ANO1: variants seen among roughly 807,000 people sequenced by gnomAD.
ANO1 encodes the protein anoctamin-1.
ANO1 carries 59 observed loss-of-function variants against 124.0 expected under a neutral mutation model. The observed-to-expected ratio is 0.48, with a 90% confidence interval of 0.39 to 0.59. The LOEUF (loss-of-function observed/expected upper bound fraction) is 0.59. Among genes scored for constraint, ANO1 ranks in the 20% least tolerant of loss-of-function variants. The pLI, the probability that ANO1 is intolerant of heterozygous loss-of-function variation, is 0.00. For synonymous variants in ANO1, 529 were observed against 532.0 expected, an observed-to-expected ratio of 0.99 and a Z score of 0.08; for missense variants, 1,059 against 1,328.0, an observed-to-expected ratio of 0.80 and a Z score of 3.15.
At chr11:69,979,190 C>T in the ANO1 span, among the ~76,000 whole-genome samples, 10 of 152,302 alleles carry the variant, frequency 6.6e-5, no homozygotes, top group East Asian at 1.9e-4. Flanking sequence ...AGATTTTGAA[C>T]GTAGTGAATG....
At position 70,170,118 on chromosome 11, in the gene ANO1, G is replaced by A. The variant is rs1590912868; in HGVS notation, c.2198-769G>A. 3 of 437,734 alleles carry A rather than the reference G, an allele frequency of 6.9e-6. No homozygotes were observed. In the Middle Eastern group the frequency reaches 9.9e-4, roughly 145 times the overall value. The allele number at this position is 437,734 out of a possible 1,614,324, so 27.1% of individuals were successfully genotyped here. ...GCAGTGGGTCCCCACCCGGATCCAG[G>A]AGTCCTGATGCAAGGGGAAGTTTGG... On this transcript the variant is annotated intron_variant, in intron 21 of 25. Coordinates refer to ENST00000355303, the MANE Select transcript of ANO1 (RefSeq NM_018043.7).
intron 2 of ANO1, among the ~76,000 whole-genome samples, chr11:70,097,519 C>T (rs1423283926): frequency 6.6e-6 from 1 of 152,196 alleles, no homozygotes; most frequent in African/African-American, 2.4e-5. Flanking sequence ...TCCCATCTTG[C>T]CCGCGTGCCC....
rs1019259028 is a variant in ANO1, at chr11:70,123,245, G to C, written c.898-1105G>C. On this transcript the variant is annotated intron_variant, in intron 8 of 25. Transcript: ENST00000355303. Reference sequence around the variant, plus strand: ...GCTGCAGGTGAGGCTGGTGGTTTCGGGGGGCTGTGCAGCAGCAGGCGGCCC... The same window carrying C: ...GCTGCAGGTGAGGCTGGTGGTTTCGCGGGGCTGTGCAGCAGCAGGCGGCCC... 5.9e-5 allele frequency among the ~76,000 whole-genome samples: 9 copies of C among 152,204 alleles called. No individual in the cohort carries two copies. The East Asian group carries it at 1.7e-3, about 29-fold the overall frequency.
chr11:70,030,693 T>A (rs1856984563), intron 1 of ANO1, among the ~76,000 whole-genome samples: 1 of 152,060 alleles, frequency 6.6e-6, no homozygotes, highest in Admixed American at 6.6e-5. Context: ...CCGAATAATC[T>A]CCCCATCTCA....
intron 1 of ANO1, among the ~76,000 whole-genome samples, chr11:69,995,411 A>G (rs1475571194): frequency 6.6e-6 from 1 of 152,060 alleles, no homozygotes; most frequent in Non-Finnish European, 1.5e-5. Flanking sequence ...GCACGTTTTT[A>G]TCTAAAGCCC....
At chr11:70,004,997 C>T (rs1221303430) in intron 1 of ANO1, among the ~76,000 whole-genome samples, 1 of 151,862 alleles carries the variant, frequency 6.6e-6, no homozygotes, top group Non-Finnish European at 1.5e-5. Context: ...CTTGAAATCC[C>T]AGCTACTCAG....
chr11:70,169,050 G>A (rs1484922054), intron 21 of ANO1, among the ~76,000 whole-genome samples: 2 of 152,212 alleles, frequency 1.3e-5, no homozygotes, highest in African/African-American at 4.8e-5. Context: ...GTGGCCAGGA[G>A]GGACGGGGTC....
intron 6 of ANO1, among the ~76,000 whole-genome samples, chr11:70,109,041 A>G (rs1279137238): frequency 6.6e-6 from 1 of 152,204 alleles, no homozygotes; most frequent in Non-Finnish European, 1.5e-5. Context: ...AAGCCAGAAC[A>G]TTGCAGAGCA....
chr11:70,187,911 C>G lies in ANO1; in HGVS notation c.2868C>G (p.Asp956Glu), dbSNP rs749715005. Residue 956 changes from aspartate (D) to glutamate (E), a missense_variant, in exon 26 of 26, where the codon GAC becomes GAG. Asp to Glu is a conservative substitution (Grantham distance 45). This residue lies in a region of ANO1 where 809 missense variants were observed against 1,094.9 expected (regional missense o/e 0.74). Transcript: ENST00000355303. ...ETWMEKERQKDEPPCNHHNTK... is the reference protein window; with the variant it reads ...ETWMEKERQKEEPPCNHHNTK... Reference sequence around the variant, plus strand: ...GGATGGAGAAGGAGCGGCAGAAGGACGAGCCGCCGTGCAACCACCACAACA... The same window carrying G: ...GGATGGAGAAGGAGCGGCAGAAGGAGGAGCCGCCGTGCAACCACCACAACA... 1 of 1,590,174 alleles carries G rather than the reference C, an allele frequency of 6.3e-7. No homozygotes were observed. The highest frequency in any genetic ancestry group is 1.1e-5 in the South Asian group (1 of 87,496).
chr11:69,981,545 G>T (rs1243551444), upstream of ANO1, among the ~76,000 whole-genome samples: 1 of 152,236 alleles, frequency 6.6e-6, no homozygotes, highest in Non-Finnish European at 1.5e-5. Flanking sequence ...TGCTTCAGCT[G>T]CAGGTCCTCT....
At chr11:70,080,884 G>A (rs1158663950) in intron 1 of ANO1, among the ~76,000 whole-genome samples, 1 of 152,220 alleles carries the variant, frequency 6.6e-6, no homozygotes, top group Non-Finnish European at 1.5e-5. Flanking sequence ...GTGCAGGGCA[G>A]GCAGCATGGC....
chr11:70,060,175 G>A (rs1555007545), intron 1 of ANO1, among the ~76,000 whole-genome samples: 1 of 152,152 alleles, frequency 6.6e-6, no homozygotes, highest in Non-Finnish European at 1.5e-5. Flanking sequence ...TATGGAGGAA[G>A]TGGAAAGCAT....
intron 1 of ANO1, chr11:70,063,894 G>C (rs1555008134): frequency 6.6e-6 from 1 of 152,012 alleles, no homozygotes; most frequent in African/African-American, 2.4e-5. Flanking sequence ...CCCTTCCTTT[G>C]TTTTCTTTGA....
chr11:69,985,597 T>C (rs1251087993), upstream of ANO1, among the ~76,000 whole-genome samples: 2 of 152,102 alleles, frequency 1.3e-5, no homozygotes, highest in Non-Finnish European at 2.9e-5. Context: ...CCCCCTCCTG[T>C]AGTCAACACC....
At chr11:70,131,832 G>C in intron 10 of ANO1, 87 bp from the exon 11 acceptor site, 1 of 1,481,758 alleles carries the variant, frequency 6.7e-7, no homozygotes, top group Non-Finnish European at 9.0e-7. Flanking sequence ...CTTGGGCCCA[G>C]CGCTTTCTCC....
intron 11 of ANO1, among the ~76,000 whole-genome samples, chr11:70,144,941 G>A (rs771900288): frequency 6.6e-6 from 1 of 152,198 alleles, no homozygotes; most frequent in African/African-American, 2.4e-5. Context: ...CAGGATCCGA[G>A]GGGATCAGGC....
At position 70,043,650 on chromosome 11, in the gene ANO1, G is replaced by C. The variant is rs963806948; in HGVS notation, c.59-34892G>C. 6.9e-4 allele frequency among the ~76,000 whole-genome samples: 105 copies of C among 152,110 alleles called. 1 individual carries two copies. Among genetic ancestry groups the C allele is most frequent in the Non-Finnish European group, 1.0e-4 (7 of 68,004 alleles). On this transcript the variant is annotated intron_variant, in intron 1 of 27. Transcript: ENST00000531349. ...TTCTCATCAAAGTATATGCTAGTCA[G>C]AAGACAATGGAACAATATCTTTAAA...
intron 1 of ANO1, among the ~76,000 whole-genome samples, chr11:70,059,950 CTTTTTTT>C (rs36021561): frequency 4.0e-5 from 3 of 75,528 alleles, no homozygotes; most frequent in Non-Finnish European, 7.1e-5. Context: ...AGGCGTTGGC[CTTTTTTT>C]TTTTTTTTTT....
intron 6 of ANO1, among the ~76,000 whole-genome samples, chr11:70,111,449 G>A (rs2045777345): frequency 6.6e-6 from 1 of 152,164 alleles, no homozygotes; most frequent in African/African-American, 2.4e-5. Flanking sequence ...GCCGCCTCTT[G>A]GGGTTTTCTC....
Sources: allele counts gnomAD v4.1 joint callset (sites outside exome capture counted in the v4.1 genomes callset), GRCh38; gene constraint gnomAD v4.1.1; regional missense constraint gnomAD v4.1.1; transcripts MANE v1.5; gene names NCBI Gene and HGNC (gene_info 2026-07-23, HGNC 2026-07-21).